The following ERBB3 variants were observed in gnomAD, a reference collection of about 807,000 sequenced individuals.
ERBB3 encodes the protein receptor tyrosine-protein kinase erbB-3.
Under a neutral mutation model 156.7 loss-of-function variants are expected in ERBB3, and 96 were observed. That is an observed-to-expected ratio of 0.61 (90% CI 0.52 to 0.73). ERBB3 has a LOEUF of 0.73. Ranked by LOEUF, ERBB3 falls within the 30% of genes least tolerant of loss-of-function variation. ERBB3 has a pLI of 0.00. For missense variants in ERBB3, 1,406 were observed against 1,709.4 expected (o/e 0.82, Z 3.13); for synonymous variants, 567 against 632.0 (o/e 0.90, Z 1.54).
At chr12:56,095,395 T>C in intron 16 of ERBB3, 85 bp downstream of exon 16, 1 of 1,191,870 alleles carries the variant, frequency 8.4e-7, no homozygotes, top group East Asian at 2.3e-5. Context: ...AGGGAGGCTG[T>C]CTTCATTCTG....
At position 56,090,593 on chromosome 12, in the gene ERBB3, G is replaced by A. The variant is rs997215034; in HGVS notation, c.1109+1725G>A. On this transcript the variant is annotated intron_variant, in intron 9 of 27. Coordinates refer to ENST00000267101, the MANE Select transcript of ERBB3 (RefSeq NM_001982.4). The stretch of plus-strand genomic sequence containing the variant: ...TGGCAGGCAGAGGTTGCAGTGAGCC[G>A]AGATCGCGGCACTGCACTCCAGCCT... 3.3e-5 allele frequency among the ~76,000 whole-genome samples: 5 copies of A among 152,104 alleles called. No individual in the cohort carries two copies. In the East Asian group the frequency reaches 5.8e-4, roughly 18 times the overall value.
In ERBB3 at chr12:56,095,721, T is replaced by C. The variant is rs746842107; in HGVS notation, c.1970T>C (p.Met657Thr). 1 of 1,614,224 alleles carries C rather than the reference T, an allele frequency of 6.2e-7. No homozygotes were observed. The highest frequency in any genetic ancestry group is 1.1e-5 in the South Asian group (1 of 91,090). Residue 657 changes from methionine (M) to threonine (T), a missense_variant, in exon 17 of 28, where the codon ATG becomes ACG. By Grantham distance (81) the Met-to-Thr change is moderately conservative (BLOSUM62 -1). This residue lies in a region of ERBB3 where 979 missense variants were observed against 1,219.6 expected (regional missense o/e 0.80). Coordinates refer to ENST00000267101, the MANE Select transcript of ERBB3 (RefSeq NM_001982.4). Reference sequence around the variant, plus strand: ...ATAGCAGGATTGGTAGTGATTTTCATGATGCTGGGCGGCACTTTTCTCTAC... The same window carrying C: ...ATAGCAGGATTGGTAGTGATTTTCACGATGCTGGGCGGCACTTTTCTCTAC... ...TVIAGLVVIF[M>T]MLGGTFLYWR...
chr12:56,083,544 G>T lies in ERBB3; in HGVS notation c.83-207G>T, dbSNP rs911795674. The T allele has an allele frequency of 5.1e-5, 31 of 613,006 alleles. No homozygotes were observed. In the African/African-American group the frequency reaches 5.3e-4, roughly 10 times the overall value. The allele number at this position is 613,006 out of a possible 1,614,324, so 38.0% of individuals were successfully genotyped here. ...AAATCTTTTCACCTTCCCATTCATGGAATGGTAAGGGGATTCTGAGAAGAG... is the reference window on the plus strand; with the variant it reads ...AAATCTTTTCACCTTCCCATTCATGTAATGGTAAGGGGATTCTGAGAAGAG... On this transcript the variant is annotated intron_variant, in intron 1 of 27. Coordinates refer to ENST00000267101, the MANE Select transcript of ERBB3 (RefSeq NM_001982.4).
rs1555212763 is a variant in ERBB3, at chr12:56,102,824, A to AAC, written c.*770_*771insCA. Reference sequence around the variant, plus strand: ...ATCTCTTTAAAAAAAAAAAAAAAAAAAAAAAAAAAACTTTAGAACTGGGTG... The same window carrying AAC: ...ATCTCTTTAAAAAAAAAAAAAAAAAAACAAAAAAAAAACTTTAGAACTGGGTG... On this transcript the variant is annotated 3_prime_UTR_variant, in exon 28 of 28. Coordinates refer to ENST00000267101, the MANE Select transcript of ERBB3 (RefSeq NM_001982.4). 6 of 215,366 alleles carry AAC rather than the reference A, an allele frequency of 2.8e-5. No individual in the cohort carries two copies. Among genetic ancestry groups the AAC allele is most frequent in the Non-Finnish European group, 4.7e-5 (5 of 107,434 alleles). 13.3% of individuals were successfully genotyped at this position (215,366 alleles called of 1,614,324 possible).
chr12:56,096,492 T>C lies in ERBB3; in HGVS notation c.2056-11T>C, dbSNP rs747554823. ...CCTTTCCTGAGTAACTCCTTCCCAT[T>C]TGCTCCTCAGAGCATAGAGCCTCTG... On this transcript the variant is annotated splice_polypyrimidine_tract_variant and intron_variant, in intron 17 of 27. Transcript: ENST00000267101. 1.2e-6 allele frequency: 2 copies of C among 1,613,722 alleles called. No individual in the cohort carries two copies. Among genetic ancestry groups the C allele is most frequent in the Non-Finnish European group, 1.7e-6 (2 of 1,179,928 alleles).
At chr12:56,098,223 TG>T (rs1868955531) in intron 21 of ERBB3, 1 of 542,100 alleles carries the variant, frequency 1.8e-6, no homozygotes. Context: ...GCTAGCACGG[TG>T]AAACCCCGTC....
At chr12:56,101,479 CT>C (rs1387179211) in intron 27 of ERBB3, 49 bp from the exon 28 acceptor site, 4 of 1,605,504 alleles carry the variant, frequency 2.5e-6, no homozygotes, top group Admixed American at 1.7e-5. Context: ...AAACTTTCCC[CT>C]ACCCTCATGA....
At chr12:56,088,487 G>T in intron 7 of ERBB3, 56 bp from the exon 8 acceptor site, 2 of 1,323,820 alleles carry the variant, frequency 1.5e-6, no homozygotes, top group African/African-American at 1.4e-5. Context: ...GGGTTCCATT[G>T]GTAGCTGGTG....
At chr12:56,088,234 G>A in intron 7 of ERBB3, 72 bp downstream of exon 7, 2 of 1,537,630 alleles carry the variant, frequency 1.3e-6, no homozygotes, top group Non-Finnish European at 1.8e-6. Context: ...TTGTGGAAGG[G>A]AAAAAGAATC....
intron 15 of ERBB3, 122 bp from the exon 16 acceptor site, chr12:56,095,130 GGATCA>G: frequency 1.3e-6 from 1 of 756,784 alleles, no homozygotes; most frequent in Middle Eastern, 2.4e-4. Flanking sequence ...CCATGTCTTG[GGATCA>G]GCTCTGGGCT....
In ERBB3 at chr12:56,101,893, T is replaced by A. The variant is rs1256593573; in HGVS notation, c.3867T>A (p.Tyr1289Ter). The change falls in exon 28 of 28, where the codon TAT becomes TAA. Residue 1289 changes from tyrosine (Y) to a stop codon, truncating the protein, a stop_gained. Coordinates refer to ENST00000267101, the MANE Select transcript of ERBB3 (RefSeq NM_001982.4). LOFTEE classifies it high-confidence loss of function. The stretch of plus-strand genomic sequence containing the variant: ...CCTGCCCAGCATCTGAGCAAGGGTA[T>A]GAAGAGATGAGAGCTTTTCAGGGGC... ...MGACPASEQG[Y>*]EEMRAFQGPG... 1.9e-6 allele frequency: 3 copies of A among 1,613,280 alleles called. No individual in the cohort carries two copies. Among genetic ancestry groups the A allele is most frequent in the Non-Finnish European group, 1.7e-6 (2 of 1,179,862 alleles).
At chr12:56,089,624 A>C (rs1868603600) in intron 9 of ERBB3, among the ~76,000 whole-genome samples, 1 of 152,098 alleles carries the variant, frequency 6.6e-6, no homozygotes. Context: ...ACATGCCTGT[A>C]ATCCCAGCTA....
intron 21 of ERBB3, chr12:56,098,248 C>A (rs1592231154): frequency 4.2e-6 from 2 of 477,582 alleles, no homozygotes; most frequent in Non-Finnish European, 3.8e-6. Context: ...ACTAAATATA[C>A]AAAAAAAAAA....
At position 56,083,911 on chromosome 12, in the gene ERBB3, G is replaced by C. The variant is rs1264347759; in HGVS notation, c.234+9G>C. On this transcript the variant is annotated intron_variant, in intron 2 of 27. Transcript: ENST00000267101. ...ACCTCTCCTTCCTGCAGGTTAGTGA[G>C]CCCACCCTCCTTCCTCAACCTGCTC... 1 of 1,613,586 alleles carries C rather than the reference G, an allele frequency of 6.2e-7. No homozygotes were observed. Among genetic ancestry groups the C allele is most frequent in the South Asian group, 1.1e-5 (1 of 91,052 alleles).
At position 56,102,812 on chromosome 12, in the gene ERBB3, A is replaced by AAAC. The variant is rs2136833195; in HGVS notation, c.*759_*760insCAA. 4.9e-6 allele frequency: 1 copy of AAAC among 205,698 alleles called. No homozygotes were observed. Among genetic ancestry groups the AAAC allele is most frequent in the Non-Finnish European group, 9.8e-6 (1 of 101,716 alleles). The allele number at this position is 205,698 out of a possible 1,614,324, so 12.7% of individuals were successfully genotyped here. On this transcript the variant is annotated 3_prime_UTR_variant, in exon 28 of 28. Coordinates refer to ENST00000267101, the MANE Select transcript of ERBB3 (RefSeq NM_001982.4). The stretch of plus-strand genomic sequence containing the variant: ...AGTAAGACCCCCATCTCTTTAAAAA[A>AAAC]AAAAAAAAAAAAAAAAAAAAAACTT...
Position 56,103,261 on chromosome 12 carries a change from G to A in ERBB3, c.*1206G>A, listed in dbSNP as rs1389999785. The A allele has an allele frequency of 4.4e-6, 1 of 225,698 alleles. No individual in the cohort carries two copies. The highest frequency in any genetic ancestry group is 8.8e-6 in the Non-Finnish European group (1 of 113,012). 14.0% of individuals were successfully genotyped at this position (225,698 alleles called of 1,614,324 possible). A position where few individuals can be genotyped will look rare whatever the true frequency, so the allele number is the denominator to read the frequency against. On this transcript the variant is annotated 3_prime_UTR_variant, in exon 28 of 28. Coordinates refer to ENST00000267101, the MANE Select transcript of ERBB3 (RefSeq NM_001982.4). ...TCTTTGTGTAAACCATAATCCACAT[G>A]TGCCGTAAATGATCTTCACTCCTTA...
intron 9 of ERBB3, among the ~76,000 whole-genome samples, chr12:56,091,139 T>C (rs1453925026): frequency 6.7e-6 from 1 of 149,588 alleles, no homozygotes. Context: ...TCTGGCTCTA[T>C]TGCCCAGGCT....
intron 9 of ERBB3, 160 bp downstream of exon 9, chr12:56,089,028 TC>T: frequency 1.1e-6 from 1 of 934,688 alleles, no homozygotes; most frequent in Non-Finnish European, 1.7e-6. Context: ...ACATCCTCCA[TC>T]CAGGCCTTCG....
In ERBB3 at chr12:56,093,748, A is replaced by C; in HGVS notation, c.1481-16A>C. ...AGTCCTCAGACTCCTCTCCTAACCC[A>C]CCCCTTCCTTTCCAGTGGCAGAGGG... On this transcript the variant is annotated splice_polypyrimidine_tract_variant and intron_variant, in intron 12 of 27. Transcript: ENST00000267101. 6.2e-7 allele frequency: 1 copy of C among 1,613,958 alleles called. No individual in the cohort carries two copies. Among genetic ancestry groups the C allele is most frequent in the Non-Finnish European group, 8.5e-7 (1 of 1,179,972 alleles).
Sources: allele counts gnomAD v4.1 joint callset (sites outside exome capture counted in the v4.1 genomes callset), GRCh38; gene constraint gnomAD v4.1.1; regional missense constraint gnomAD v4.1.1; transcripts MANE v1.5; gene names NCBI Gene and HGNC (gene_info 2026-07-23, HGNC 2026-07-21).